The following TPRG1 variants were observed in gnomAD, a reference collection of about 807,000 sequenced individuals.
The protein encoded by TPRG1 is tumor protein p63-regulated gene 1 protein.
TPRG1 carries 29 observed loss-of-function variants against 29.3 expected under a neutral mutation model. The observed-to-expected ratio is 0.99, with a 90% CI of 0.74 to 1.35. The LOEUF is 1.35. Among genes scored for constraint, TPRG1 ranks in the 40% most tolerant of loss-of-function variants. TPRG1 has a pLI of 0.00. For synonymous variants in TPRG1, 130 were observed against 116.8 expected, an observed-to-expected ratio of 1.11 and a Z score of -0.73; for missense variants, 327 against 335.0, an observed-to-expected ratio of 0.98 and a Z score of 0.19.
rs540964873 is a variant in TPRG1, at chr3:189,250,409, C to A, written c.479+11500C>A. Among the ~76,000 whole-genome samples, 7 of 148,742 alleles carry A rather than the reference C, an allele frequency of 4.7e-5. 1 individual carries two copies. In the South Asian group the frequency reaches 1.3e-3, roughly 27 times the overall value. On this transcript the variant is annotated intron_variant, in intron 4 of 5. Transcript: ENST00000345063. The stretch of plus-strand genomic sequence containing the variant: ...GGTGACATTAATCGTCATTCTGCTT[C>A]ATTAACAGTCTTATTGTTAGGTTCT...
chr3:189,150,205 C>T (rs1029068811), intron 4 of TPRG1, among the ~76,000 whole-genome samples: 41 of 152,078 alleles, frequency 2.7e-4, no homozygotes, highest in Admixed American at 2.2e-3. Flanking sequence ...TTTTTTGAGA[C>T]GGAGTCTCAC....
At chr3:189,129,803 G>A (rs1722905618) in intron 2 of TPRG1, among the ~76,000 whole-genome samples, 1 of 152,164 alleles carries the variant, frequency 6.6e-6, no homozygotes, top group Non-Finnish European at 1.5e-5. Flanking sequence ...CTATGGTAAA[G>A]TTATGATTGT....
At chr3:189,231,315 C>T (rs1296672519) in intron 3 of TPRG1, among the ~76,000 whole-genome samples, 1 of 148,402 alleles carries the variant, frequency 6.7e-6, no homozygotes, top group Non-Finnish European at 1.5e-5. Flanking sequence ...GAATTAATGA[C>T]TTCTCTTTTA....
chr3:189,237,908 A>G (rs759915050), intron 3 of TPRG1, among the ~76,000 whole-genome samples: 6 of 152,214 alleles, frequency 3.9e-5, no homozygotes, highest in Non-Finnish European at 8.8e-5. Flanking sequence ...GAAGTGCTGT[A>G]TCCTAAAGGC....
intron 4 of TPRG1, among the ~76,000 whole-genome samples, chr3:189,148,680 G>C (rs1290815696): frequency 6.6e-6 from 1 of 152,220 alleles, no homozygotes; most frequent in Non-Finnish European, 1.5e-5. Context: ...CAATGAATCG[G>C]CTCTAGATTA....
chr3:189,047,142 A>G (rs1715028843), intron 4 of TPRG1, among the ~76,000 whole-genome samples: 1 of 152,204 alleles, frequency 6.6e-6, no homozygotes, highest in Admixed American at 6.5e-5. Context: ...TATCATATAT[A>G]TTACCAGGAA....
chr3:189,135,471 AC>A (rs1560475960), intron 3 of TPRG1, among the ~76,000 whole-genome samples: 1 of 152,210 alleles, frequency 6.6e-6, no homozygotes, highest in African/African-American at 2.4e-5. Flanking sequence ...ACAAGCTAAA[AC>A]CTAGTCCTCT....
Position 189,325,127 on chromosome 3 carries a change from G to T in TPRG1, c.*4307G>T, listed in dbSNP as rs1175612908. ...GACCAATACTTGTCTTATTCTACCT[G>T]ATTTTGGCAACTGCTTAGGGTTCTT... On this transcript the variant is annotated 3_prime_UTR_variant, in exon 6 of 6. Transcript: ENST00000345063. The T allele has an allele frequency of 1.3e-5, 2 of 151,870 alleles. No individual in the cohort carries two copies. Among genetic ancestry groups the T allele is most frequent in the Non-Finnish European group, 2.9e-5 (2 of 68,012 alleles). The allele number at this position is 151,870 out of a possible 1,614,324, so 9.4% of individuals were successfully genotyped here. A position where few individuals can be genotyped will look rare whatever the true frequency, so the allele number is the denominator to read the frequency against.
chr3:189,130,653 C>T (rs776355492), intron 2 of TPRG1, among the ~76,000 whole-genome samples: 13 of 152,190 alleles, frequency 8.5e-5, no homozygotes, highest in Non-Finnish European at 1.8e-4. Context: ...GAGGGCTCTA[C>T]TATCAAGCAA....
At chr3:189,203,336 T>C (rs1733794853) in intron 1 of TPRG1, among the ~76,000 whole-genome samples, 1 of 146,466 alleles carries the variant, frequency 6.8e-6, no homozygotes, top group African/African-American at 2.6e-5. Context: ...TTATTTGGGA[T>C]TTTTTTTTTA....
rs528025447 is a variant in TPRG1, at chr3:189,232,679, G to A, written c.303-6054G>A. ...AGTGGGGGGAAAAGTGAACTCCAGG[G>A]AGTCAAGTCAGGAAACCTGGGAACA... On this transcript the variant is annotated intron_variant, in intron 3 of 5. Coordinates refer to ENST00000345063, the MANE Select transcript of TPRG1 (RefSeq NM_198485.4). Among the ~76,000 whole-genome samples the A allele has an allele frequency of 2.0e-5, 3 of 152,314 alleles. No homozygotes were observed. In the East Asian group the frequency reaches 5.8e-4, roughly 29 times the overall value.
intron 2 of TPRG1, 67 bp downstream of exon 2, chr3:189,207,661 T>C (rs1734611545): frequency 5.5e-6 from 8 of 1,459,004 alleles, no homozygotes; most frequent in Non-Finnish European, 7.6e-6. Context: ...AATCCTTCTG[T>C]GTATCACATA....
intron 4 of TPRG1, among the ~76,000 whole-genome samples, chr3:189,038,758 A>C (rs984029860): frequency 6.0e-5 from 9 of 150,492 alleles, no homozygotes; most frequent in Admixed American, 5.4e-4. Flanking sequence ...TAATTAAGCA[A>C]TTCCTGCAAA....
At chr3:189,091,166 A>G (rs78033955) in intron 4 of TPRG1, among the ~76,000 whole-genome samples, 2,068 of 152,136 alleles carry the variant, frequency 0.014, 45 homozygotes, top group African/African-American at 0.045. Context: ...AATGTCAACT[A>G]TCATTATGTG....
At chr3:189,181,741 T>C (rs1167120089) in intron 1 of TPRG1, among the ~76,000 whole-genome samples, 1 of 152,202 alleles carries the variant, frequency 6.6e-6, no homozygotes, top group African/African-American at 2.4e-5. Context: ...CTGCCTGTTA[T>C]CCAGTTCCAA....
At position 189,301,976 on chromosome 3, in the gene TPRG1, C is replaced by T. The variant is rs528813560; in HGVS notation, c.480-8410C>T. Among the ~76,000 whole-genome samples the T allele has an allele frequency of 1.4e-3, 218 of 152,316 alleles. 1 individual carries two copies. Among genetic ancestry groups the T allele is most frequent in the African/African-American group, 5.1e-3 (210 of 41,572 alleles). On this transcript the variant is annotated intron_variant, in intron 4 of 5. Transcript: ENST00000345063. ...AGATTTCTTCTGGACTGTCTGACTTCACCCTGCTTGCTCACATGTAGCTCA... is the reference window on the plus strand; with the variant it reads ...AGATTTCTTCTGGACTGTCTGACTTTACCCTGCTTGCTCACATGTAGCTCA...
At chr3:189,301,809 A>C (rs940333831) in intron 4 of TPRG1, among the ~76,000 whole-genome samples, 2 of 152,044 alleles carry the variant, frequency 1.3e-5, no homozygotes, top group Non-Finnish European at 2.9e-5. Flanking sequence ...TTAGAGACAA[A>C]TTTTTTCAGT....
intron 4 of TPRG1, among the ~76,000 whole-genome samples, chr3:189,031,697 G>A (rs1200569234): frequency 6.6e-6 from 1 of 152,156 alleles, no homozygotes; most frequent in Non-Finnish European, 1.5e-5. Flanking sequence ...TTAATGAGAC[G>A]GTTGGTGATT....
intron 5 of TPRG1, among the ~76,000 whole-genome samples, chr3:189,156,568 G>T (rs544704372): frequency 6.6e-6 from 1 of 152,258 alleles, no homozygotes; most frequent in South Asian, 2.1e-4. Flanking sequence ...TGTTTGGGGT[G>T]AATTTAAGTC....
Sources: allele counts gnomAD v4.1 joint callset (sites outside exome capture counted in the v4.1 genomes callset), GRCh38; gene constraint gnomAD v4.1.1; transcripts MANE v1.5; gene names NCBI Gene and HGNC (gene_info 2026-07-23, HGNC 2026-07-21).